Variants in EHD3 observed in about 807,000 individuals in gnomAD.
The protein encoded by EHD3 is EH domain containing 3.
Under a neutral mutation model 43.0 loss-of-function variants are expected in EHD3, and 17 were observed. The observed-to-expected ratio is 0.40, with a 90% CI of 0.27 to 0.59. The LOEUF is 0.59. Among genes scored for constraint, EHD3 ranks in the 20% least tolerant of loss-of-function variants. The pLI, the probability that EHD3 is intolerant of heterozygous loss-of-function variation, is 0.49. For synonymous variants in EHD3, 313 were observed against 289.5 expected, an observed-to-expected ratio of 1.08 and a Z score of -0.82; for missense variants, 594 against 705.6, an observed-to-expected ratio of 0.84 and a Z score of 1.79.
Position 31,248,127 on chromosome 2 carries a change from C to T in EHD3, c.405-1244C>T, listed in dbSNP as rs113317964. Among the ~76,000 whole-genome samples the T allele has an allele frequency of 3.2e-3, 489 of 152,252 alleles. 1 individual carries two copies. Among genetic ancestry groups the T allele is most frequent in the African/African-American group, 0.011 (464 of 41,546 alleles). On this transcript the variant is annotated intron_variant, in intron 2 of 5. Coordinates refer to ENST00000322054, the MANE Select transcript of EHD3 (RefSeq NM_014600.3). ...CAAGGTGCTGCACCTTAGATTTGTC[C>T]GCACAAGGTGCTGCACCTTAGATTT...
intron 1 of EHD3, among the ~76,000 whole-genome samples, chr2:31,243,420 T>TTTCTTTC (rs1683456800): frequency 1.5e-5 from 2 of 135,478 alleles, no homozygotes; most frequent in Non-Finnish European, 3.1e-5. Flanking sequence ...GGAGATTCAT[T>TTTCTTTC]TTTCTTTCTT....
At chr2:31,240,266 G>A (rs566281699) in intron 1 of EHD3, among the ~76,000 whole-genome samples, 16 of 152,278 alleles carry the variant, frequency 1.1e-4, no homozygotes, top group African/African-American at 3.9e-4. Flanking sequence ...GTGCATCCCC[G>A]TCTCTGCTGT....
chr2:31,250,244 G>C (rs1330623196), intron 3 of EHD3, among the ~76,000 whole-genome samples: 1 of 150,844 alleles, frequency 6.6e-6, no homozygotes, highest in Non-Finnish European at 1.5e-5. Flanking sequence ...GATTATAGAT[G>C]ATCATCATCA....
chr2:31,239,117 G>A (rs1227819340), intron 1 of EHD3, among the ~76,000 whole-genome samples: 3 of 152,174 alleles, frequency 2.0e-5, no homozygotes, highest in South Asian at 2.1e-4. Flanking sequence ...TGCTGTGGCC[G>A]CACCAGCTCT....
Position 31,266,103 on chromosome 2 carries a change from T to C in EHD3, c.1081-74T>C. Reference sequence around the variant, plus strand: ...TCAGCTGTGAACATTCTGGTGCTCATAGGAGGCACGTGATAAATGGAGGGC... The same window carrying C: ...TCAGCTGTGAACATTCTGGTGCTCACAGGAGGCACGTGATAAATGGAGGGC... On this transcript the variant is annotated intron_variant, in intron 5 of 5. Coordinates refer to ENST00000322054, the MANE Select transcript of EHD3 (RefSeq NM_014600.3). This position sits in a 1 kb window ranked among gnomAD's most constrained non-coding sequence, Gnocchi z 5.1. 6.6e-7 allele frequency: 1 copy of C among 1,519,642 alleles called. No homozygotes were observed. Among genetic ancestry groups the C allele is most frequent in the East Asian group, 2.3e-5 (1 of 44,022 alleles). The allele number at this position is 1,519,642 out of a possible 1,614,324, so 94.1% of individuals were successfully genotyped here.
rs17011170 is a variant in EHD3 at position 31,266,932 on chromosome 2, C to T, written c.*228C>T. ...TTAGAAGGACAAGAGCACTCCCAGG[C>T]CCCAGAGTCTAAGCCTAAGTCTCTA... On this transcript the variant is annotated 3_prime_UTR_variant, in exon 6 of 6. Transcript: ENST00000322054. This position sits in a 1 kb window ranked among gnomAD's most constrained non-coding sequence, Gnocchi z 5.1. 4.3e-3 allele frequency: 2,470 copies of T among 568,198 alleles called. 58 individuals carry two copies. Among genetic ancestry groups the T allele is most frequent in the African/African-American group, 0.042 (2,247 of 53,394 alleles). The allele number at this position is 568,198 out of a possible 1,614,324, so 35.2% of individuals were successfully genotyped here. A position where few individuals can be genotyped will look rare whatever the true frequency, so the allele number is the denominator to read the frequency against.
chr2:31,256,666 A>G lies in EHD3; in HGVS notation c.503-3844A>G, dbSNP rs538414918. On this transcript the variant is annotated intron_variant, in intron 3 of 5. Transcript: ENST00000322054. ...CAGGGGTCTATCCTGTTCTGGCAGCATGGACATATTGCTGCCCCTCAGCCT... is the reference window on the plus strand; with the variant it reads ...CAGGGGTCTATCCTGTTCTGGCAGCGTGGACATATTGCTGCCCCTCAGCCT... Among the ~76,000 whole-genome samples the G allele has an allele frequency of 2.5e-4, 38 of 152,358 alleles. No homozygotes were observed. The East Asian group carries it at 6.8e-3, about 27-fold the overall frequency.
intron 2 of EHD3, among the ~76,000 whole-genome samples, chr2:31,245,939 G>A (rs1683515476): frequency 1.3e-5 from 2 of 151,926 alleles, no homozygotes; most frequent in Admixed American, 6.6e-5. Flanking sequence ...GTAGTGGCAT[G>A]GAGTCAATAA....
chr2:31,237,340 T>C (rs1683341869), intron 1 of EHD3, among the ~76,000 whole-genome samples: 1 of 152,056 alleles, frequency 6.6e-6, no homozygotes, highest in African/African-American at 2.4e-5. Context: ...TTTCCAGTAT[T>C]TGTAGCTATT....
chr2:31,261,840 A>G, intron 5 of EHD3, 127 bp downstream of exon 5: 1 of 1,054,574 alleles, frequency 9.5e-7, no homozygotes, highest in Non-Finnish European at 1.3e-6. Flanking sequence ...GCAGGCAAGG[A>G]GGTGGCCCTG....
At chr2:31,255,238 C>T (rs1314940160) in intron 3 of EHD3, among the ~76,000 whole-genome samples, 5 of 152,172 alleles carry the variant, frequency 3.3e-5, no homozygotes, top group South Asian at 2.1e-4. Flanking sequence ...GAATCTCCCC[C>T]GACTCACTAG....
chr2:31,260,757 C>G lies in EHD3; in HGVS notation c.750C>G (p.Ile250Met), dbSNP rs200471807. The G allele has an allele frequency of 7.4e-6, 12 of 1,614,172 alleles. No individual in the cohort carries two copies. In the East Asian group the frequency reaches 2.7e-4, roughly 36 times the overall value. The change falls in exon 4 of 6, where the codon ATC becomes ATG. Residue 250 changes from isoleucine (I) to methionine (M), a missense_variant. Ile to Met is a conservative substitution (Grantham distance 10). This residue lies in a region of EHD3 where 29 missense variants were observed against 60.9 expected (regional missense o/e 0.48). Coordinates refer to ENST00000322054, the MANE Select transcript of EHD3 (RefSeq NM_014600.3). This position sits in a 1 kb window ranked among gnomAD's most constrained non-coding sequence, Gnocchi z 4.6. ...AGATCGTGAACACCCCAGAGGTGAT[C>G]CGGGTCTACATCGGCTCCTTCTGGT... The part of the protein sequence containing the change: ...LGKIVNTPEV[I>M]RVYIGSFWSH...
chr2:31,236,951 T>C (rs552795730), intron 1 of EHD3, among the ~76,000 whole-genome samples: 1 of 152,312 alleles, frequency 6.6e-6, no homozygotes, highest in East Asian at 1.9e-4. Context: ...CACAGATGAT[T>C]CCTCATCTGA....
intron 3 of EHD3, among the ~76,000 whole-genome samples, chr2:31,255,277 G>A (rs192024701): frequency 1.6e-4 from 24 of 152,170 alleles, no homozygotes; most frequent in African/African-American, 2.4e-4. Context: ...TTGGGCTGCC[G>A]CAGGTGCCCA....
intron 5 of EHD3, among the ~76,000 whole-genome samples, chr2:31,264,917 T>C (rs1683918016): frequency 6.6e-6 from 1 of 152,192 alleles, no homozygotes; most frequent in Non-Finnish European, 1.5e-5. Context: ...TATATCCTTA[T>C]TCTATAAGTT....
At chr2:31,236,878 C>T (rs1540926) in intron 1 of EHD3, among the ~76,000 whole-genome samples, 77,462 of 152,016 alleles carry the variant, frequency 0.51, 21,814 homozygotes, top group East Asian at 0.75. Flanking sequence ...GACACTCTCC[C>T]GGCTTTGCCT....
intron 1 of EHD3, among the ~76,000 whole-genome samples, chr2:31,237,553 C>T (rs553474765): frequency 2.0e-5 from 3 of 151,986 alleles, no homozygotes; most frequent in Non-Finnish European, 4.4e-5. Flanking sequence ...TACGGGCACC[C>T]GCCAACACGC....
rs1222346789 is a variant in EHD3 at position 31,266,209 on chromosome 2, C to T, written c.1113C>T (p.Phe371=). 2 of 1,612,878 alleles carry T rather than the reference C, an allele frequency of 1.2e-6. No homozygotes were observed. The highest frequency in any genetic ancestry group is 4.5e-5 in the East Asian group (2 of 44,856). The change falls in exon 6 of 6, where the codon TTC becomes TTT. Residue 371 remains phenylalanine (F), a synonymous_variant. Coordinates refer to ENST00000322054, the MANE Select transcript of EHD3 (RefSeq NM_014600.3). This position sits in a 1 kb window ranked among gnomAD's most constrained non-coding sequence, Gnocchi z 5.1. Reference sequence around the variant, plus strand: ...TGCAGGCCCAGGACTTTAGCAAGTTCCAGCCGCTGAAGAGCAAGCTGCTGG... The same window carrying T: ...TGCAGGCCCAGGACTTTAGCAAGTTTCAGCCGCTGAAGAGCAAGCTGCTGG... ...DQLQAQDFSK[F]QPLKSKLLEV...
At chr2:31,259,262 C>T (rs549680306) in intron 3 of EHD3, among the ~76,000 whole-genome samples, 1 of 152,298 alleles carries the variant, frequency 6.6e-6, no homozygotes, top group East Asian at 1.9e-4. Context: ...AAGCCTAACA[C>T]CTCCATCTTC....
Sources: gnomAD v4.1 joint callset for allele counts (sites outside exome capture counted in the v4.1 genomes callset) on GRCh38, gnomAD v4.1.1 for gene constraint, gnomAD v4.1.1 regional missense constraint, Gnocchi (gnomAD v3.1) non-coding constraint, MANE v1.5 for transcripts, NCBI Gene and HGNC (gene_info 2026-07-23, HGNC 2026-07-21) for gene names.